ANKRD30A: variants seen among roughly 807,000 people sequenced by gnomAD.
ANKRD30A encodes the protein ankyrin repeat domain-containing protein 30A.
Under a neutral mutation model 166.3 loss-of-function variants are expected in ANKRD30A, and 170 were observed. That is an observed-to-expected ratio of 1.02 (90% CI 0.90 to 1.16). The LOEUF is 1.16. Among genes scored for constraint, ANKRD30A ranks in the 50% most tolerant of loss-of-function variants. The pLI is 0.00. For synonymous variants in ANKRD30A, 564 were observed against 508.9 expected (o/e 1.11, Z -1.46); for missense variants, 1,630 against 1,518.0 (o/e 1.07, Z -1.23).
chr10:37,178,477 T>C, intron 24 of ANKRD30A: 1 of 939,080 alleles, frequency 1.1e-6, no homozygotes, highest in Non-Finnish European at 1.3e-6. Context: ...CAGGTGATGC[T>C]GATGCTGGTG....
Position 37,130,276 on chromosome 10 carries a change from T to C in ANKRD30A, c.408T>C (p.Asp136=). Residue 136 remains aspartate (D), a synonymous_variant, in exon 3 of 36, where the codon GAT becomes GAC. Coordinates refer to ENST00000361713, the MANE Select transcript of ANKRD30A (RefSeq NM_052997.3). The part of the protein sequence containing the change: ...IDSGADINLV[D]VYGNTALHYA... Reference sequence around the variant, plus strand: ...CTGGTGCCGATATAAATCTCGTAGATGTGTATGGCAACACGGCTCTCCATT... The same window carrying C: ...CTGGTGCCGATATAAATCTCGTAGACGTGTATGGCAACACGGCTCTCCATT... 6.2e-7 allele frequency: 1 copy of C among 1,605,216 alleles called. No individual in the cohort carries two copies. The highest frequency in any genetic ancestry group is 8.5e-7 in the Non-Finnish European group (1 of 1,176,084).
intron 1 of ANKRD30A, among the ~76,000 whole-genome samples, chr10:37,128,823 A>G (rs146345269): frequency 1.3e-5 from 2 of 152,234 alleles, no homozygotes; most frequent in East Asian, 1.9e-4. Context: ...ATCTTTCAAA[A>G]AAAAGCACTT....
chr10:37,133,388 A>G (rs773494117), intron 4 of ANKRD30A, among the ~76,000 whole-genome samples: 11 of 152,194 alleles, frequency 7.2e-5, no homozygotes, highest in Non-Finnish European at 1.3e-4. Flanking sequence ...GATTTTCTAT[A>G]TGAAAAGGAG....
At position 37,219,880 on chromosome 10, in the gene ANKRD30A, G is replaced by C; in HGVS notation, c.4168G>C (p.Glu1390Gln). 6.6e-7 allele frequency: 1 copy of C among 1,513,168 alleles called. No homozygotes were observed. Among genetic ancestry groups the C allele is most frequent in the Admixed American group, 2.3e-5 (1 of 43,406 alleles). 93.7% of individuals were successfully genotyped at this position (1,513,168 alleles called of 1,614,324 possible). A position where few individuals can be genotyped will look rare whatever the true frequency, so the allele number is the denominator to read the frequency against. ...LKNRIYQYEK[E>Q]KAETENS ...AAACCGTATATATCAATATGAAAAAGAGAAAGCAGAAACAGAAGTAAGTAT... is the reference window on the plus strand; with the variant it reads ...AAACCGTATATATCAATATGAAAAACAGAAAGCAGAAACAGAAGTAAGTAT... Residue 1390 changes from glutamate to glutamine, a missense_variant, in exon 34 of 36, where the codon GAG becomes CAG. Around this residue, in one of 4 missense-constraint regions of ANKRD30A, gnomAD observed 712 missense variants for 629.3 expected, o/e 1.13. Coordinates refer to ENST00000361713, the MANE Select transcript of ANKRD30A (RefSeq NM_052997.3).
intron 25 of ANKRD30A, among the ~76,000 whole-genome samples, chr10:37,190,823 T>G (rs1335815779): frequency 2.0e-5 from 3 of 151,384 alleles, no homozygotes; most frequent in Non-Finnish European, 4.4e-5. Flanking sequence ...AATATATAGA[T>G]ATATATATAT....
Position 37,191,677 on chromosome 10 carries a change from A to G in ANKRD30A, c.2513-1387A>G, listed in dbSNP as rs2486128. On this transcript the variant is annotated intron_variant, in intron 25 of 35. Coordinates refer to ENST00000361713, the MANE Select transcript of ANKRD30A (RefSeq NM_052997.3). ...TACAGCAACTTTTTAATTTTTGTTCAGCGATTAGCTTGTTTTTCATTTATT... is the reference window on the plus strand; with the variant it reads ...TACAGCAACTTTTTAATTTTTGTTCGGCGATTAGCTTGTTTTTCATTTATT... Among the ~76,000 whole-genome samples the G allele has an allele frequency of 8.6e-4, 131 of 152,056 alleles. 1 individual carries two copies. The highest frequency in any genetic ancestry group is 1.2e-3 in the Non-Finnish European group (84 of 68,000).
In ANKRD30A at chr10:37,130,295, C is replaced by A; in HGVS notation, c.427C>A (p.Leu143Ile). The part of the protein sequence containing the change: ...NLVDVYGNTA[L>I]HYAVYSEILS... ...CGTAGATGTGTATGGCAACACGGCT[C>A]TCCATTATGCTGTTTATAGTGAGAT... is the stretch of plus-strand genomic sequence containing the variant. Residue 143 changes from leucine to isoleucine, a missense_variant, in exon 3 of 36, where the codon CTC becomes ATC. Physicochemically the swap from Leu to Ile is conservative, Grantham distance 5 (BLOSUM62 2). Around this residue, in one of 4 missense-constraint regions of ANKRD30A, gnomAD observed 904 missense variants for 818.5 expected, o/e 1.10. Coordinates refer to ENST00000361713, the MANE Select transcript of ANKRD30A (RefSeq NM_052997.3). The A allele has an allele frequency of 1.9e-6, 3 of 1,604,742 alleles. No individual in the cohort carries two copies. The highest frequency in any genetic ancestry group is 1.7e-5 in the Admixed American group (1 of 58,344).
chr10:37,229,329 A>AT (rs1455923036), intron 34 of ANKRD30A, among the ~76,000 whole-genome samples: 1 of 151,796 alleles, frequency 6.6e-6, no homozygotes, highest in Non-Finnish European at 1.5e-5. Flanking sequence ...CCATGTTATT[A>AT]TTTTTTTAAT....
the ANKRD30A span, among the ~76,000 whole-genome samples, chr10:37,258,440 G>A: frequency 6.6e-6 from 1 of 151,984 alleles, no homozygotes; most frequent in Non-Finnish European, 1.5e-5. Flanking sequence ...TACAAATAAA[G>A]AAACCAGAAA....
At chr10:37,212,786 C>T (rs112950205) in intron 31 of ANKRD30A, among the ~76,000 whole-genome samples, 3,138 of 151,832 alleles carry the variant, frequency 0.021, 102 homozygotes, top group African/African-American at 0.072. Context: ...TGCATATGGC[C>T]AGCTAGCTTT....
the ANKRD30A span, among the ~76,000 whole-genome samples, chr10:37,264,337 T>C: frequency 6.6e-6 from 1 of 152,306 alleles, no homozygotes; most frequent in East Asian, 1.9e-4. Context: ...GGACACTCAT[T>C]ACTTGAAGTC....
In ANKRD30A at chr10:37,219,001, G is replaced by A; in HGVS notation, c.3289G>A (p.Glu1097Lys). 2.5e-6 allele frequency: 4 copies of A among 1,585,914 alleles called. No homozygotes were observed. The highest frequency in any genetic ancestry group is 3.4e-6 in the Non-Finnish European group (4 of 1,169,890). ...TTAGGTTTCTCACACTCATGAAAAT[G>A]AAAATTATCTCTTACATGAAAATTG... ...LNQVSHTHEN[E>K]NYLLHENCML... The change falls in exon 34 of 36, where the codon GAA becomes AAA. Residue 1097 changes from glutamate to lysine, a missense_variant. Glu to Lys is a moderately conservative substitution (Grantham distance 56). Around this residue, in one of 4 missense-constraint regions of ANKRD30A, gnomAD observed 712 missense variants for 629.3 expected, o/e 1.13. Coordinates refer to ENST00000361713, the MANE Select transcript of ANKRD30A (RefSeq NM_052997.3).
intron 6 of ANKRD30A, among the ~76,000 whole-genome samples, chr10:37,139,755 G>T (rs1451657168): frequency 1.3e-5 from 2 of 152,128 alleles, no homozygotes; most frequent in Admixed American, 1.3e-4. Flanking sequence ...TAGAGACATG[G>T]TCTCCTTATT....
At chr10:37,249,500 TTAAAG>T in the ANKRD30A span, among the ~76,000 whole-genome samples, 227 of 152,242 alleles carry the variant, frequency 1.5e-3, no homozygotes, top group African/African-American at 5.1e-3. Context: ...AAATAAATAT[TTAAAG>T]TAGAGGAAAT....
intron 19 of ANKRD30A, 129 bp downstream of exon 19, chr10:37,166,824 A>G (rs901814787): frequency 1.2e-5 from 17 of 1,405,450 alleles, no homozygotes; most frequent in Non-Finnish European, 1.4e-5. Context: ...GAGAAGTGCA[A>G]TGGTCATAAG....
In ANKRD30A at chr10:37,219,423, T is replaced by C. The variant is rs373070124; in HGVS notation, c.3711T>C (p.Val1237=). ...GDACLQRKMN[V]DVSSTIYNNE... ...CTTGTTTGCAAAGAAAAATGAATGT[T>C]GATGTGAGTAGTACGATATATAACA... is the stretch of plus-strand genomic sequence containing the variant. The change falls in exon 34 of 36, where the codon GTT becomes GTC. Residue 1237 remains valine, a synonymous_variant. Transcript: ENST00000361713. 4.3e-6 allele frequency: 7 copies of C among 1,610,332 alleles called. No homozygotes were observed. The East Asian group carries it at 1.3e-4, about 31-fold the overall frequency.
Position 37,219,091 on chromosome 10 carries a change from G to C in ANKRD30A, c.3379G>C (p.Glu1127Gln), listed in dbSNP as rs878920913. The C allele has an allele frequency of 6.2e-7, 1 of 1,609,064 alleles. No individual in the cohort carries two copies. Among genetic ancestry groups the C allele is most frequent in the Non-Finnish European group, 8.5e-7 (1 of 1,176,728 alleles). Residue 1127 changes from glutamate (E) to glutamine (Q), a missense_variant, in exon 34 of 36, where the codon GAA (glutamate) becomes CAA (glutamine). Physicochemically the swap from Glu to Gln is conservative, Grantham distance 29. Transcript: ENST00000361713. ...AGCCACACTGAAACACCAATACCAG[G>C]AAAAGGAAAATAAATACTTTGAGGA... ...EIATLKHQYQ[E>Q]KENKYFEDIK...
At chr10:37,154,409 T>G (rs1838204211) in intron 13 of ANKRD30A, among the ~76,000 whole-genome samples, 1 of 152,186 alleles carries the variant, frequency 6.6e-6, no homozygotes, top group Non-Finnish European at 1.5e-5. Flanking sequence ...TGGACCTTGC[T>G]CTGGGTAGCA....
chr10:37,230,793 G>A (rs1208834077), intron 34 of ANKRD30A, among the ~76,000 whole-genome samples: 1 of 152,044 alleles, frequency 6.6e-6, no homozygotes, highest in Non-Finnish European at 1.5e-5. Flanking sequence ...ATAATACAGA[G>A]ATTAAGGGAT....
Sources: gnomAD v4.1 joint callset for allele counts (sites outside exome capture counted in the v4.1 genomes callset) on GRCh38, gnomAD v4.1.1 for gene constraint, gnomAD v4.1.1 regional missense constraint, MANE v1.5 for transcripts, NCBI Gene and HGNC (gene_info 2026-07-23, HGNC 2026-07-21) for gene names.